MARCHF1: variants seen among roughly 807,000 people sequenced by gnomAD.
The protein encoded by MARCHF1 is E3 ubiquitin-protein ligase MARCHF1.
MARCHF1 carries 40 observed loss-of-function variants against 54.2 expected under a neutral mutation model. That is an observed-to-expected ratio of 0.74 (90% CI 0.57 to 0.96). The LOEUF is 0.96. Among genes scored for constraint, MARCHF1 ranks in the 40% least tolerant of loss-of-function variants. The pLI is 0.00. For synonymous variants in MARCHF1, 236 were observed against 236.3 expected, an observed-to-expected ratio of 1.00 and a Z score of 0.01; for missense variants, 586 against 656.5, an observed-to-expected ratio of 0.89 and a Z score of 1.17.
chr4:163,810,523 G>T (rs958686409), intron 4 of MARCHF1, among the ~76,000 whole-genome samples: 3 of 152,140 alleles, frequency 2.0e-5, no homozygotes, highest in Non-Finnish European at 4.4e-5. Context: ...AGTTCCTTGG[G>T]TTAACAATTG....
chr4:163,784,949 A>G (rs945810820), intron 4 of MARCHF1, among the ~76,000 whole-genome samples: 1 of 152,142 alleles, frequency 6.6e-6, no homozygotes, highest in African/African-American at 2.4e-5. Context: ...AAAGATTTCT[A>G]TCTGATCTGT....
At chr4:163,561,898 T>G (rs902753258) in intron 8 of MARCHF1, among the ~76,000 whole-genome samples, 5 of 152,226 alleles carry the variant, frequency 3.3e-5, no homozygotes, top group Non-Finnish European at 2.9e-5. Context: ...ACTTGCTTAC[T>G]TCTTCACAGG....
chr4:163,722,979 A>G (rs1045207480), intron 4 of MARCHF1, among the ~76,000 whole-genome samples: 15 of 152,068 alleles, frequency 9.9e-5, no homozygotes, highest in African/African-American at 3.6e-4. Context: ...TCTTTATCCA[A>G]TTTGCCAGTC....
chr4:164,210,827 G>C (rs186175134), intron 1 of MARCHF1, among the ~76,000 whole-genome samples: 407 of 152,158 alleles, frequency 2.7e-3, no homozygotes, highest in African/African-American at 9.4e-3. Context: ...AATGGATAAA[G>C]AAAATGTGGC....
intron 1 of MARCHF1, among the ~76,000 whole-genome samples, chr4:164,347,109 G>A (rs1396885377): frequency 6.6e-6 from 1 of 151,856 alleles, no homozygotes; most frequent in Non-Finnish European, 1.5e-5. Context: ...AACTGAATCC[G>A]GCCATAGTTG....
At chr4:163,789,740 T>C (rs1747721694) in intron 4 of MARCHF1, among the ~76,000 whole-genome samples, 2 of 152,060 alleles carry the variant, frequency 1.3e-5, no homozygotes, top group South Asian at 2.1e-4. Context: ...CATTGTTTAA[T>C]ATGTGGGAAA....
chr4:163,597,752 T>G (rs1202480193), intron 7 of MARCHF1, among the ~76,000 whole-genome samples: 1 of 152,210 alleles, frequency 6.6e-6, no homozygotes, highest in Non-Finnish European at 1.5e-5. Flanking sequence ...CTGAACAATT[T>G]GGAAACATGC....
At chr4:163,978,383 T>C (rs1274426029) in intron 3 of MARCHF1, among the ~76,000 whole-genome samples, 1 of 152,194 alleles carries the variant, frequency 6.6e-6, no homozygotes, top group East Asian at 1.9e-4. Flanking sequence ...ACATAGGGAA[T>C]TGACTCCTTT....
chr4:163,852,283 A>C (rs952631187), intron 4 of MARCHF1, among the ~76,000 whole-genome samples: 2 of 152,112 alleles, frequency 1.3e-5, no homozygotes, highest in Admixed American at 6.6e-5. Flanking sequence ...TAGGTTTATT[A>C]TTAGGTTACC....
At chr4:163,923,408 C>A (rs1484040258) in intron 3 of MARCHF1, among the ~76,000 whole-genome samples, 1 of 151,942 alleles carries the variant, frequency 6.6e-6, no homozygotes, top group Admixed American at 6.6e-5. Context: ...ATGTTAACAG[C>A]AAGTTAAAAA....
intron 3 of MARCHF1, among the ~76,000 whole-genome samples, chr4:163,897,588 T>A (rs1042465699): frequency 1.3e-5 from 2 of 151,946 alleles, no homozygotes; most frequent in Non-Finnish European, 2.9e-5. Flanking sequence ...CAATTGAACA[T>A]CAACAAAGTT....
chr4:164,250,643 T>A (rs28553966), intron 1 of MARCHF1, among the ~76,000 whole-genome samples: 17,650 of 152,052 alleles, frequency 0.12, 1,613 homozygotes, highest in African/African-American at 0.25. Context: ...TTAAATAAAT[T>A]ATTGATAATT....
At chr4:163,770,618 C>T (rs1353171938) in intron 4 of MARCHF1, among the ~76,000 whole-genome samples, 1 of 52,686 alleles carries the variant, frequency 1.9e-5, no homozygotes, top group African/African-American at 3.8e-5. Context: ...GGGATTTATA[C>T]AGACTCTGAG....
chr4:163,904,709 T>C (rs10008615), intron 3 of MARCHF1, among the ~76,000 whole-genome samples: 31,494 of 151,932 alleles, frequency 0.21, 3,566 homozygotes, highest in South Asian at 0.33. Flanking sequence ...CTCTAGGTTT[T>C]TTACTTGAAG....
chr4:164,268,242 T>C (rs1463528279), intron 1 of MARCHF1, among the ~76,000 whole-genome samples: 2 of 152,130 alleles, frequency 1.3e-5, no homozygotes, highest in East Asian at 1.9e-4. Context: ...ACCAAGACAA[T>C]TGTGCTGGAT....
intron 1 of MARCHF1, among the ~76,000 whole-genome samples, chr4:164,203,395 T>C (rs1477737796): frequency 1.3e-5 from 2 of 152,104 alleles, no homozygotes; most frequent in African/African-American, 4.8e-5. Flanking sequence ...ATCGAAAATC[T>C]AATGGGGTAG....
intron 4 of MARCHF1, among the ~76,000 whole-genome samples, chr4:163,811,779 T>C (rs1313961675): frequency 1.3e-5 from 2 of 152,182 alleles, no homozygotes; most frequent in Admixed American, 1.3e-4. Flanking sequence ...GTGGGTTACA[T>C]AGATTATATC....
chr4:163,947,898 T>G (rs1752054851), intron 3 of MARCHF1, among the ~76,000 whole-genome samples: 1 of 152,250 alleles, frequency 6.6e-6, no homozygotes, highest in Non-Finnish European at 1.5e-5. Flanking sequence ...GTTATTTTAG[T>G]TTCTTAGGAG....
chr4:164,060,953 G>T (rs534079302), intron 2 of MARCHF1, among the ~76,000 whole-genome samples: 1 of 152,174 alleles, frequency 6.6e-6, no homozygotes, highest in Admixed American at 6.5e-5. Flanking sequence ...AAGGCTAGAG[G>T]GTGGTCTTCT....
Sources: gnomAD v4.1 joint callset for allele counts (sites outside exome capture counted in the v4.1 genomes callset) on GRCh38, gnomAD v4.1.1 for gene constraint, MANE v1.5 for transcripts, NCBI Gene and HGNC (gene_info 2026-07-23, HGNC 2026-07-21) for gene names.